Variants in ETS1 observed in about 807,000 individuals in gnomAD.
The protein encoded by ETS1 is protein C-ets-1.
ETS1 carries 15 observed loss-of-function variants against 58.6 expected under a neutral mutation model. The observed-to-expected ratio is 0.26, with a 90% CI of 0.17 to 0.39. ETS1 has a LOEUF of 0.39. Ranked by LOEUF, ETS1 falls within the 10% of genes least tolerant of loss-of-function variation. The pLI is 1.00. For synonymous variants in ETS1, 214 were observed against 218.2 expected (o/e 0.98, Z 0.17); for missense variants, 417 against 610.5 (o/e 0.68, Z 3.34).
At chr11:128,567,793 C>G (rs538622014) in intron 2 of ETS1, among the ~76,000 whole-genome samples, 1 of 152,076 alleles carries the variant, frequency 6.6e-6, no homozygotes, top group African/African-American at 2.4e-5. Flanking sequence ...ATACCACACC[C>G]GGCTAATTTT....
chr11:128,463,324 T>C lies in ETS1; in HGVS notation c.1242+185A>G, dbSNP rs1591585545. Among the ~76,000 whole-genome samples, 2 of 152,156 alleles carry C rather than the reference T, an allele frequency of 1.3e-5. No homozygotes were observed. Among genetic ancestry groups the C allele is most frequent in the South Asian group, 4.1e-4 (2 of 4,826 alleles). On this transcript the variant is annotated intron_variant, in intron 9 of 9. Coordinates refer to ENST00000392668, the MANE Select transcript of ETS1 (RefSeq NM_001143820.2). The surrounding 1 kb of genome is among the most constrained non-coding windows in gnomAD (Gnocchi z 4.1). ...TGTAAGACAAATGGGGTAACATAGATCTTTTCTCTATTTTCCAAATAATGA... is the reference window on the plus strand; with the variant it reads ...TGTAAGACAAATGGGGTAACATAGACCTTTTCTCTATTTTCCAAATAATGA...
Position 128,462,212 on chromosome 11 carries a change from C to T in ETS1, c.*149G>A, listed in dbSNP as rs1322138282. 1.6e-6 allele frequency: 1 copy of T among 632,004 alleles called. No individual in the cohort carries two copies. The allele number at this position is 632,004 out of a possible 1,614,324, so 39.1% of individuals were successfully genotyped here. A position where few individuals can be genotyped will look rare whatever the true frequency, so the allele number is the denominator to read the frequency against. ...TTTCCCAACTGCGCACAATTGATTA[C>T]AGCTGCAACTGACTTAGCTCCCACC... On this transcript the variant is annotated 3_prime_UTR_variant, in exon 10 of 10. Transcript: ENST00000392668.
rs2135409199 is a variant in ETS1 at position 128,463,392 on chromosome 11, A to G, written c.1242+117T>C. ...GCTACCTAGCTTGCTCCGGGTGGCA[A>G]GTGGCAGAGCTGGGAATCCCAATCC... is the stretch of plus-strand genomic sequence containing the variant. On this transcript the variant is annotated intron_variant, in intron 9 of 9. Coordinates refer to ENST00000392668, the MANE Select transcript of ETS1 (RefSeq NM_001143820.2). The surrounding 1 kb of genome is among the most constrained non-coding windows in gnomAD (Gnocchi z 4.1). 5.9e-6 allele frequency: 4 copies of G among 682,882 alleles called. No individual in the cohort carries two copies. In the South Asian group the frequency reaches 6.9e-5, roughly 12 times the overall value. 42.3% of individuals were successfully genotyped at this position (682,882 alleles called of 1,614,324 possible).
At chr11:128,519,594 C>T (rs1405020481) in intron 3 of ETS1, among the ~76,000 whole-genome samples, 1 of 152,216 alleles carries the variant, frequency 6.6e-6, no homozygotes, top group African/African-American at 2.4e-5. Flanking sequence ...CTAACAAAAG[C>T]AGACAGCCCT....
chr11:128,492,140 G>GA (rs1311659818), intron 3 of ETS1, among the ~76,000 whole-genome samples: 1 of 152,178 alleles, frequency 6.6e-6, no homozygotes, highest in Non-Finnish European at 1.5e-5. Flanking sequence ...TGTATCCCAT[G>GA]AAACTGACTT....
intron 8 of ETS1, among the ~76,000 whole-genome samples, chr11:128,477,629 A>G (rs544756400): frequency 2.0e-5 from 3 of 152,290 alleles, no homozygotes; most frequent in South Asian, 4.1e-4. Context: ...CAGGGAAAAA[A>G]TAAATACTAA....
chr11:128,525,868 T>C (rs1863791278), intron 3 of ETS1, among the ~76,000 whole-genome samples: 2 of 152,002 alleles, frequency 1.3e-5, no homozygotes, highest in South Asian at 4.1e-4. Context: ...AAATTAGAGA[T>C]AGGAAGGAAA....
chr11:128,580,877 C>A (rs1296860990), intron 1 of ETS1, among the ~76,000 whole-genome samples: 1 of 152,148 alleles, frequency 6.6e-6, no homozygotes, highest in Non-Finnish European at 1.5e-5. Context: ...TAAAAATAAA[C>A]CCATCTCCTA....
intron 3 of ETS1, among the ~76,000 whole-genome samples, chr11:128,500,060 C>A (rs532923929): frequency 6.6e-6 from 1 of 152,184 alleles, no homozygotes; most frequent in Non-Finnish European, 1.5e-5. Context: ...TCAAAGTTAG[C>A]CCGGGAAGGG....
chr11:128,574,795 T>C (rs1044266639), intron 1 of ETS1, among the ~76,000 whole-genome samples: 1 of 152,192 alleles, frequency 6.6e-6, no homozygotes, highest in South Asian at 2.1e-4. Flanking sequence ...AAACCATATA[T>C]CCCACTTCAA....
intron 3 of ETS1, among the ~76,000 whole-genome samples, chr11:128,515,110 AT>A (rs201562902): frequency 5.9e-5 from 9 of 151,740 alleles, no homozygotes; most frequent in Admixed American, 2.6e-4. Context: ...AAAACACAAC[AT>A]TTTTTTTGCC....
At chr11:128,522,141 T>G in intron 3 of ETS1, 7 of 1,292,808 alleles carry the variant, frequency 5.4e-6, no homozygotes, top group Non-Finnish European at 3.9e-6. Flanking sequence ...TGCCTTTCTT[T>G]CCCCCGCGCC....
chr11:128,490,215 T>C (rs114952744), intron 4 of ETS1, among the ~76,000 whole-genome samples: 220 of 152,282 alleles, frequency 1.4e-3, no homozygotes, highest in African/African-American at 5.0e-3. Flanking sequence ...CCAGAAGTGA[T>C]TCTAGTGTGC....
At chr11:128,571,152 G>A (rs1864618617) in intron 2 of ETS1, among the ~76,000 whole-genome samples, 1 of 151,968 alleles carries the variant, frequency 6.6e-6, no homozygotes, top group African/African-American at 2.4e-5. Flanking sequence ...CTTCAGGCTG[G>A]GCGCGGTGGC....
chr11:128,511,623 G>A (rs1349620216), intron 3 of ETS1, among the ~76,000 whole-genome samples: 1 of 152,198 alleles, frequency 6.6e-6, no homozygotes, highest in African/African-American at 2.4e-5. Context: ...TGTTATAGAT[G>A]CATAAAATAT....
chr11:128,522,931 G>C (rs1204880640), intron 3 of ETS1, among the ~76,000 whole-genome samples: 1 of 152,194 alleles, frequency 6.6e-6, no homozygotes, highest in Non-Finnish European at 1.5e-5. Context: ...CAGTTTTTCA[G>C]AGCCCACCCA....
At chr11:128,569,452 G>C (rs1048588113) in intron 2 of ETS1, among the ~76,000 whole-genome samples, 1 of 150,754 alleles carries the variant, frequency 6.6e-6, no homozygotes, top group Non-Finnish European at 1.5e-5. Flanking sequence ...CAACAGAACC[G>C]AGAAGACTCT....
intron 3 of ETS1, among the ~76,000 whole-genome samples, chr11:128,540,559 G>A (rs1218530658): frequency 6.6e-6 from 1 of 152,134 alleles, no homozygotes; most frequent in Non-Finnish European, 1.5e-5. Context: ...ATCCAGGAAA[G>A]CCTGCCCAGT....
rs1293004911 is a variant in ETS1, at chr11:128,461,443, C to T, written c.*918G>A. ...CATTCAGTTCAAAGACTTAATGCTT[C>T]TTAGCTCAACATTAAGTCCAAACCC... On this transcript the variant is annotated 3_prime_UTR_variant, in exon 10 of 10. Transcript: ENST00000392668. 2.6e-5 allele frequency: 4 copies of T among 152,724 alleles called. No individual in the cohort carries two copies. In the East Asian group the frequency reaches 7.5e-4, roughly 29 times the overall value. The allele number at this position is 152,724 out of a possible 1,614,324, so 9.5% of individuals were successfully genotyped here.
Sources: gnomAD v4.1 joint callset for allele counts (sites outside exome capture counted in the v4.1 genomes callset) on GRCh38, gnomAD v4.1.1 for gene constraint, Gnocchi (gnomAD v3.1) non-coding constraint, MANE v1.5 for transcripts, NCBI Gene and HGNC (gene_info 2026-07-23, HGNC 2026-07-21) for gene names.